Variants in CNTNAP2 observed in about 807,000 individuals in gnomAD.
The protein encoded by CNTNAP2 is contactin-associated protein-like 2.
CNTNAP2 carries 98 observed loss-of-function variants against 155.2 expected under a neutral mutation model. The observed-to-expected ratio is 0.63, with a 90% CI of 0.54 to 0.75. The LOEUF (loss-of-function observed/expected upper bound fraction) is 0.75, where lower values mean the gene tolerates loss of function less well. CNTNAP2 is among the 30% of genes least tolerant of loss of function. The pLI is 0.00. For missense variants in CNTNAP2, 1,727 were observed against 1,688.1 expected, an observed-to-expected ratio of 1.02 and a Z score of -0.40; for synonymous variants, 651 against 631.2, an observed-to-expected ratio of 1.03 and a Z score of -0.47.
chr7:146,522,652 A>G (rs1797631566), intron 1 of CNTNAP2, among the ~76,000 whole-genome samples: 1 of 151,862 alleles, frequency 6.6e-6, no homozygotes, highest in African/African-American at 2.4e-5. Flanking sequence ...GCATTTTTAG[A>G]TATTATAGTA....
intron 4 of CNTNAP2, among the ~76,000 whole-genome samples, chr7:147,107,426 C>T (rs879602444): frequency 1.3e-5 from 2 of 152,058 alleles, no homozygotes; most frequent in East Asian, 1.9e-4. Context: ...TGTAGTCATA[C>T]GCTGGATATT....
intron 1 of CNTNAP2, among the ~76,000 whole-genome samples, chr7:146,689,326 T>C (rs985549801): frequency 1.3e-5 from 2 of 152,114 alleles, no homozygotes; most frequent in African/African-American, 4.8e-5. Flanking sequence ...GTATTATGCA[T>C]ATTTTATCAC....
chr7:147,321,103 A>G (rs1040588698), intron 9 of CNTNAP2, among the ~76,000 whole-genome samples: 2 of 152,158 alleles, frequency 1.3e-5, no homozygotes, highest in African/African-American at 4.8e-5. Context: ...TTTCATACTT[A>G]CCTCTGTGTT....
chr7:146,904,861 G>C (rs1246957270), intron 3 of CNTNAP2, among the ~76,000 whole-genome samples: 2 of 152,152 alleles, frequency 1.3e-5, no homozygotes, highest in Non-Finnish European at 2.9e-5. Context: ...TTTTCTTAAT[G>C]TGGAATAATT....
At chr7:147,130,072 GTTATT>G (rs1801322126) in intron 7 of CNTNAP2, among the ~76,000 whole-genome samples, 2 of 151,990 alleles carry the variant, frequency 1.3e-5, no homozygotes, top group African/African-American at 4.8e-5. Context: ...GAAAAAATAA[GTTATT>G]TTATGAGAAA....
intron 1 of CNTNAP2, among the ~76,000 whole-genome samples, chr7:146,158,774 A>G (rs926362883): frequency 7.2e-5 from 11 of 152,230 alleles, no homozygotes; most frequent in Non-Finnish European, 1.6e-4. Context: ...TGACTGGTGT[A>G]CCTGAAAATG....
intron 8 of CNTNAP2, among the ~76,000 whole-genome samples, chr7:147,262,063 G>GT (rs1387980776): frequency 6.6e-6 from 1 of 152,196 alleles, no homozygotes; most frequent in Non-Finnish European, 1.5e-5. Flanking sequence ...GCAAGCAAAA[G>GT]TTACAAAGAA....
At chr7:146,762,553 C>T (rs970922252) in intron 1 of CNTNAP2, among the ~76,000 whole-genome samples, 9 of 152,064 alleles carry the variant, frequency 5.9e-5, no homozygotes, top group African/African-American at 9.7e-5. Context: ...GAGCTGAGAT[C>T]GTGCCAGTAC....
intron 15 of CNTNAP2, among the ~76,000 whole-genome samples, chr7:148,104,775 C>T (rs1449595558): frequency 6.6e-6 from 1 of 152,206 alleles, no homozygotes; most frequent in Non-Finnish European, 1.5e-5. Flanking sequence ...AGATGACTAG[C>T]ATATCAGATA....
intron 3 of CNTNAP2, among the ~76,000 whole-genome samples, chr7:147,002,965 A>G (rs866288858): frequency 6.6e-5 from 10 of 150,880 alleles, no homozygotes; most frequent in Admixed American, 2.0e-4. Context: ...AAAAAAAAAA[A>G]AAGAAGAAGC....
chr7:147,260,566 C>T (rs1584826799), intron 8 of CNTNAP2, among the ~76,000 whole-genome samples: 1 of 152,176 alleles, frequency 6.6e-6, no homozygotes, highest in Admixed American at 6.5e-5. Flanking sequence ...ACTATCCACA[C>T]TATAATATTT....
At chr7:148,098,578 A>G (rs2116576327) in intron 15 of CNTNAP2, among the ~76,000 whole-genome samples, 1 of 152,010 alleles carries the variant, frequency 6.6e-6, no homozygotes, top group South Asian at 2.1e-4. Flanking sequence ...AGTGGTGTGC[A>G]TCATAGTTCC....
intron 1 of CNTNAP2, among the ~76,000 whole-genome samples, chr7:146,482,858 G>A (rs931947003): frequency 1.3e-5 from 2 of 152,072 alleles, no homozygotes; most frequent in East Asian, 1.9e-4. Context: ...ACTCATGGTC[G>A]AGAAATAAAA....
At chr7:148,155,371 C>T (rs544948916) in intron 17 of CNTNAP2, among the ~76,000 whole-genome samples, 95 of 152,292 alleles carry the variant, frequency 6.2e-4, no homozygotes, top group Middle Eastern at 3.4e-3. Flanking sequence ...AGCTCGCCTC[C>T]ACTTCAGCTA....
intron 10 of CNTNAP2, among the ~76,000 whole-genome samples, chr7:147,397,045 G>T (rs1796828295): frequency 6.6e-6 from 1 of 151,976 alleles, no homozygotes; most frequent in Non-Finnish European, 1.5e-5. Flanking sequence ...TGAATAAGAT[G>T]GCGTTCGTGT....
At chr7:146,895,715 C>T (rs1455593450) in intron 3 of CNTNAP2, among the ~76,000 whole-genome samples, 2 of 151,990 alleles carry the variant, frequency 1.3e-5, no homozygotes, top group African/African-American at 4.8e-5. Context: ...ATAACTTCTC[C>T]GAAAAAGGAG....
intron 1 of CNTNAP2, among the ~76,000 whole-genome samples, chr7:146,579,312 T>TTG (rs1798573980): frequency 6.6e-6 from 1 of 152,142 alleles, no homozygotes; most frequent in Non-Finnish European, 1.5e-5. Context: ...AGAGGAAAGA[T>TTG]ATGATAGGAT....
intron 3 of CNTNAP2, among the ~76,000 whole-genome samples, chr7:146,866,945 A>G (rs904572531): frequency 2.0e-5 from 3 of 152,168 alleles, no homozygotes; most frequent in Non-Finnish European, 4.4e-5. Context: ...ATTACATATC[A>G]TTTTATAAAC....
intron 3 of CNTNAP2, among the ~76,000 whole-genome samples, chr7:146,948,574 A>G (rs188834256): frequency 6.6e-6 from 1 of 152,334 alleles, no homozygotes; most frequent in East Asian, 1.9e-4. Flanking sequence ...TAAATCAAAC[A>G]TTCCAAAACA....
Sources: allele counts gnomAD v4.1 joint callset (sites outside exome capture counted in the v4.1 genomes callset), GRCh38; gene constraint gnomAD v4.1.1; transcripts MANE v1.5; gene names NCBI Gene and HGNC (gene_info 2026-07-23, HGNC 2026-07-21).